SLCO3A1: variants seen among roughly 807,000 people sequenced by gnomAD.
The protein encoded by SLCO3A1 is solute carrier organic anion transporter family member 3A1.
A neutral mutation model predicts 63.1 loss-of-function variants in SLCO3A1; 27 were observed. That is an observed-to-expected ratio of 0.43 (90% CI 0.32 to 0.59). The LOEUF (loss-of-function observed/expected upper bound fraction) is 0.59, where lower values mean the gene tolerates loss of function less well. SLCO3A1 is among the 20% of genes least tolerant of loss of function. The pLI, the probability that SLCO3A1 is intolerant of heterozygous loss-of-function variation, is 0.09. For missense variants in SLCO3A1, 773 were observed against 945.8 expected (o/e 0.82, Z 2.40); for synonymous variants, 473 against 409.9 (o/e 1.15, Z -1.86).
intron 2 of SLCO3A1, among the ~76,000 whole-genome samples, chr15:92,049,804 G>A (rs1470675667): frequency 1.3e-5 from 2 of 152,162 alleles, no homozygotes; most frequent in Non-Finnish European, 2.9e-5. Context: ...GGAGGAAATA[G>A]TCATGGAATT....
chr15:92,016,258 A>ATAGATTGAT lies in SLCO3A1; in HGVS notation c.647-78618_647-78617insTGATTAGAT, dbSNP rs1555424451. ...ATAGATAGATAGATAGATAGATTAGATAGATAGATAGATAGATAGATAGAT... is the reference window on the plus strand; with the variant it reads ...ATAGATAGATAGATAGATAGATTAGATAGATTGATTAGATAGATAGATAGATAGATAGAT... On this transcript the variant is annotated intron_variant, in intron 2 of 9. Transcript: ENST00000318445. 2.9e-3 allele frequency among the ~76,000 whole-genome samples: 360 copies of ATAGATTGAT among 126,234 alleles called. 4 individuals carry two copies. Among genetic ancestry groups the ATAGATTGAT allele is most frequent in the African/African-American group, 0.011 (344 of 30,244 alleles). 82.8% of individuals were successfully genotyped at this position (126,234 alleles called of 152,430 possible).
intron 2 of SLCO3A1, among the ~76,000 whole-genome samples, chr15:91,982,594 C>G (rs2046001345): frequency 6.6e-6 from 1 of 152,240 alleles, no homozygotes; most frequent in African/African-American, 2.4e-5. Context: ...GCTTGAAGTT[C>G]TGTGCCCTTG....
In SLCO3A1 at chr15:92,110,135, G is replaced by A. The variant is rs114031331; in HGVS notation, c.1009+5593G>A. On this transcript the variant is annotated intron_variant, in intron 4 of 9. Transcript: ENST00000318445. ...GGCCATGCAGAGCCCAAGCTCTAGA[G>A]AAGGTTCACCTTTTGAGGAGCTGAG... 2.7e-3 allele frequency among the ~76,000 whole-genome samples: 415 copies of A among 152,270 alleles called. 1 individual carries two copies. The highest frequency in any genetic ancestry group is 9.7e-3 in the African/African-American group (401 of 41,554).
At chr15:92,047,007 A>AT (rs1292654187) in intron 2 of SLCO3A1, among the ~76,000 whole-genome samples, 5 of 89,112 alleles carry the variant, frequency 5.6e-5, no homozygotes, top group African/African-American at 2.0e-4. Context: ...ATATATATAT[A>AT]AATATATATA....
intron 2 of SLCO3A1, among the ~76,000 whole-genome samples, chr15:92,089,301 C>T (rs988385858): frequency 2.6e-5 from 4 of 152,180 alleles, no homozygotes; most frequent in African/African-American, 7.2e-5. Context: ...TCTGGGATTA[C>T]AGGCGTGAGC....
chr15:92,079,059 A>G (rs2047312121), intron 2 of SLCO3A1, among the ~76,000 whole-genome samples: 1 of 152,212 alleles, frequency 6.6e-6, no homozygotes, highest in Non-Finnish European at 1.5e-5. Context: ...GTCCAGCGAT[A>G]ATGAGTAAAA....
chr15:91,921,896 CTT>C (rs963749090), intron 2 of SLCO3A1, among the ~76,000 whole-genome samples: 2 of 148,218 alleles, frequency 1.3e-5, no homozygotes, highest in Admixed American at 1.3e-4. Context: ...CACCCGGTTA[CTT>C]TTTTTTTTGT....
intron 5 of SLCO3A1, among the ~76,000 whole-genome samples, chr15:92,122,075 A>C (rs867649210): frequency 2.6e-5 from 4 of 152,068 alleles, no homozygotes; most frequent in Non-Finnish European, 5.9e-5. Flanking sequence ...AGTGGTGACT[A>C]TGTGGTTGCT....
At chr15:92,162,045 T>G (rs924356175) in intron 9 of SLCO3A1, 1 of 151,842 alleles carries the variant, frequency 6.6e-6, no homozygotes, top group African/African-American at 2.4e-5. Context: ...CTTGGCCTTC[T>G]CAGGCTCTCA....
intron 1 of SLCO3A1, among the ~76,000 whole-genome samples, chr15:91,896,048 G>A (rs1472086145): frequency 1.3e-5 from 2 of 152,216 alleles, no homozygotes; most frequent in Admixed American, 1.3e-4. Flanking sequence ...AAATCCTTCA[G>A]TTCTCAATGT....
At chr15:91,978,534 G>A (rs1009613060) in intron 2 of SLCO3A1, among the ~76,000 whole-genome samples, 8 of 152,162 alleles carry the variant, frequency 5.3e-5, no homozygotes, top group African/African-American at 1.2e-4. Context: ...AAGCCTTGGC[G>A]TCTGTTCTGT....
intron 2 of SLCO3A1, among the ~76,000 whole-genome samples, chr15:91,982,902 C>G (rs992128223): frequency 1.3e-5 from 2 of 152,238 alleles, no homozygotes; most frequent in African/African-American, 4.8e-5. Flanking sequence ...GATCAGGACC[C>G]TCTCCAGGGA....
chr15:92,031,187 C>T (rs982274117), intron 2 of SLCO3A1, among the ~76,000 whole-genome samples: 4 of 151,390 alleles, frequency 2.6e-5, no homozygotes, highest in African/African-American at 9.7e-5. Flanking sequence ...AGAGAAAAGA[C>T]AAAAGACATC....
chr15:91,921,778 G>A (rs1192397049), intron 2 of SLCO3A1, among the ~76,000 whole-genome samples: 6 of 151,130 alleles, frequency 4.0e-5, no homozygotes, highest in Non-Finnish European at 8.8e-5. Context: ...CACCCAGGCT[G>A]GAGCACAGTG....
At chr15:92,158,851 G>C (rs1357533205) in intron 9 of SLCO3A1, among the ~76,000 whole-genome samples, 1 of 152,164 alleles carries the variant, frequency 6.6e-6, no homozygotes, top group Non-Finnish European at 1.5e-5. Flanking sequence ...AGAATTTTAA[G>C]TGAATAAAAA....
intron 2 of SLCO3A1, among the ~76,000 whole-genome samples, chr15:92,060,780 A>G (rs2047077966): frequency 6.6e-6 from 1 of 152,148 alleles, no homozygotes; most frequent in East Asian, 1.9e-4. Flanking sequence ...GATTACAGGC[A>G]TGAGCCACTG....
chr15:91,914,152 G>A (rs564502979), intron 1 of SLCO3A1, among the ~76,000 whole-genome samples: 11 of 152,284 alleles, frequency 7.2e-5, no homozygotes, highest in African/African-American at 2.6e-4. Flanking sequence ...TTTACAGATG[G>A]GGAAACTAAC....
At chr15:91,866,018 C>A (rs1597069713) in intron 1 of SLCO3A1, among the ~76,000 whole-genome samples, 1 of 152,134 alleles carries the variant, frequency 6.6e-6, no homozygotes, top group African/African-American at 2.4e-5. Context: ...TTTCAATCTT[C>A]ACAGAAATGC....
chr15:92,034,011 G>A (rs904276541), intron 2 of SLCO3A1, among the ~76,000 whole-genome samples: 13 of 151,952 alleles, frequency 8.6e-5, no homozygotes, highest in African/African-American at 2.9e-4. Flanking sequence ...GAGTCCTGGT[G>A]ACCATTGGGC....
Sources: gnomAD v4.1 joint callset for allele counts (sites outside exome capture counted in the v4.1 genomes callset) on GRCh38, gnomAD v4.1.1 for gene constraint, MANE v1.5 for transcripts, NCBI Gene and HGNC (gene_info 2026-07-23, HGNC 2026-07-21) for gene names.